The following DYNC2H1 variants were observed in gnomAD, a reference collection of about 807,000 sequenced individuals.
DYNC2H1 encodes cytoplasmic dynein 2 heavy chain 1.
In DYNC2H1, 410 loss-of-function variants were observed where a neutral mutation model predicts 570.0. The ratio of observed to expected loss-of-function variants is 0.72; its 90% CI spans 0.66 to 0.78. DYNC2H1 has a LOEUF of 0.78. Among genes scored for constraint, DYNC2H1 ranks in the 30% least tolerant of loss-of-function variants. DYNC2H1 has a pLI of 0.00. For missense variants in DYNC2H1, 4,865 were observed against 5,046.4 expected, an observed-to-expected ratio of 0.96 and a Z score of 1.09; for synonymous variants, 1,688 against 1,677.6, an observed-to-expected ratio of 1.01 and a Z score of -0.15.
In DYNC2H1 at chr11:103,201,801, T is replaced by A. The variant is rs760275438; in HGVS notation, c.8197+1647T>A. Among the ~76,000 whole-genome samples the A allele has an allele frequency of 6.6e-6, 1 of 152,184 alleles. No homozygotes were observed. Among genetic ancestry groups the A allele is most frequent in the Non-Finnish European group, 1.5e-5 (1 of 68,024 alleles). On this transcript the variant is annotated intron_variant, in intron 50 of 88. Transcript: ENST00000375735. This position sits in a 1 kb window ranked among gnomAD's most constrained non-coding sequence, Gnocchi z 4.8. The stretch of plus-strand genomic sequence containing the variant: ...TATGAAGTTTGTTAGAATATTTCTA[T>A]GAGTAATCACTGTTAGTGATTGGGA...
At chr11:103,459,775 AC>A (rs1944941126) in intron 87 of DYNC2H1, among the ~76,000 whole-genome samples, 2 of 149,934 alleles carry the variant, frequency 1.3e-5, no homozygotes, top group Non-Finnish European at 3.0e-5. Flanking sequence ...ACAAGGTGAA[AC>A]CCCGTCTCTA....
intron 82 of DYNC2H1, among the ~76,000 whole-genome samples, chr11:103,345,564 T>C (rs1395368469): frequency 6.6e-6 from 1 of 152,198 alleles, no homozygotes; most frequent in South Asian, 2.1e-4. Flanking sequence ...TTTTTATTGC[T>C]GTGGAGACAG....
intron 30 of DYNC2H1, among the ~76,000 whole-genome samples, chr11:103,164,033 A>G (rs1861201717): frequency 6.6e-6 from 1 of 152,200 alleles, no homozygotes; most frequent in Non-Finnish European, 1.5e-5. Flanking sequence ...TCAAATTCTT[A>G]GAGAAAAATA....
At chr11:103,234,301 T>C in intron 61 of DYNC2H1, 141 bp downstream of exon 61, 2 of 986,200 alleles carry the variant, frequency 2.0e-6, no homozygotes, top group Non-Finnish European at 1.4e-6. Flanking sequence ...TAAATGGCCA[T>C]TATGTGAATT....
chr11:103,158,984 C>T lies in DYNC2H1; in HGVS notation c.4335C>T (p.Thr1445=). The T allele has an allele frequency of 6.2e-7, 1 of 1,613,406 alleles. No individual in the cohort carries two copies. Among genetic ancestry groups the T allele is most frequent in the African/African-American group, 1.3e-5 (1 of 74,988 alleles). Residue 1445 remains threonine (T), a synonymous_variant, in exon 28 of 89, where the codon ACC becomes ACT. Transcript: ENST00000375735. The stretch of plus-strand genomic sequence containing the variant: ...TATTAGAAATATTGGGCCAGTCTAC[C>T]AACCCATCAGTGATTCAGTCTCACC... The part of the protein sequence containing the change: ...DDLLEILGQS[T]NPSVIQSHLK...
chr11:103,290,621 A>G (rs1866554578), intron 75 of DYNC2H1, among the ~76,000 whole-genome samples: 1 of 152,142 alleles, frequency 6.6e-6, no homozygotes, highest in African/African-American at 2.4e-5. Context: ...GACTCAGACA[A>G]TATCAGGAAA....
intron 83 of DYNC2H1, among the ~76,000 whole-genome samples, chr11:103,391,897 T>C (rs1200789828): frequency 4.0e-5 from 5 of 126,282 alleles, no homozygotes; most frequent in African/African-American, 1.3e-4. Flanking sequence ...TGAGGTGTCA[T>C]TGTGCCCCTA....
intron 57 of DYNC2H1, among the ~76,000 whole-genome samples, chr11:103,221,054 T>G (rs1277274421): frequency 1.3e-5 from 2 of 152,012 alleles, no homozygotes; most frequent in Non-Finnish European, 1.5e-5. Flanking sequence ...TAATAATATA[T>G]TTGGTCCATA....
At chr11:103,159,605 T>A (rs1348808745) in intron 28 of DYNC2H1, among the ~76,000 whole-genome samples, 1 of 152,132 alleles carries the variant, frequency 6.6e-6, no homozygotes, top group African/African-American at 2.4e-5. Flanking sequence ...AGAGTCACTT[T>A]AATGGGATAC....
In DYNC2H1 at chr11:103,277,576, C is replaced by T. The variant is rs975191326; in HGVS notation, c.10696-2772C>T. On this transcript the variant is annotated intron_variant, in intron 70 of 88. Coordinates refer to ENST00000375735, the MANE Select transcript of DYNC2H1 (RefSeq NM_001377.3). The surrounding 1 kb of genome is among the most constrained non-coding windows in gnomAD (Gnocchi z 4.3). The stretch of plus-strand genomic sequence containing the variant: ...TTCTTTTCTGATGTGTCTAATGACC[C>T]TTGCTTATAGTGGATTGTTTTCTCC... 6.6e-6 allele frequency among the ~76,000 whole-genome samples: 1 copy of T among 152,048 alleles called. No individual in the cohort carries two copies. Among genetic ancestry groups the T allele is most frequent in the Non-Finnish European group, 1.5e-5 (1 of 68,002 alleles).
intron 38 of DYNC2H1, 96 bp from the exon 39 acceptor site, chr11:103,178,930 T>C: frequency 8.0e-7 from 1 of 1,247,456 alleles, no homozygotes; most frequent in Non-Finnish European, 1.1e-6. Flanking sequence ...GTAGTACAAA[T>C]TCATATGAAA....
rs1274382344 is a variant in DYNC2H1, at chr11:103,311,882, C to T, written c.11498C>T (p.Pro3833Leu). 3.7e-6 allele frequency: 6 copies of T among 1,604,770 alleles called. No homozygotes were observed. The South Asian group carries it at 6.8e-5, about 18-fold the overall frequency. Residue 3833 changes from proline (P) to leucine (L), a missense_variant, in exon 79 of 89, where the codon CCT becomes CTT. Pro to Leu is a moderately conservative substitution (Grantham distance 98). Around this residue, in one of 5 missense-constraint regions of DYNC2H1, gnomAD observed 2,401 missense variants for 2,454.6 expected, o/e 0.98. Coordinates refer to ENST00000375735, the MANE Select transcript of DYNC2H1 (RefSeq NM_001377.3). ...QSSLKITYES[P>L]PGLKKNLMRT... The stretch of plus-strand genomic sequence containing the variant: ...GTCTGTTGATTTTTTTTCTAGTCAC[C>T]TCCAGGTTTAAAGAAGAATTTAATG...
At chr11:103,270,321 G>C (rs12805750) in intron 70 of DYNC2H1, among the ~76,000 whole-genome samples, 1 of 151,884 alleles carries the variant, frequency 6.6e-6, no homozygotes, top group South Asian at 2.1e-4. Context: ...GGGTGCCTAG[G>C]ACTGTAGATA....
chr11:103,350,835 C>T (rs555766875), intron 82 of DYNC2H1, among the ~76,000 whole-genome samples: 4 of 152,066 alleles, frequency 2.6e-5, no homozygotes, highest in South Asian at 2.1e-4. Context: ...GATCAGGCCC[C>T]GAACCCCTAT....
intron 75 of DYNC2H1, among the ~76,000 whole-genome samples, chr11:103,298,719 C>T (rs1363773257): frequency 6.6e-6 from 1 of 151,950 alleles, no homozygotes; most frequent in Non-Finnish European, 1.5e-5. Context: ...CAGGCACTTC[C>T]CTCTTTTTAA....
chr11:103,280,623 A>G lies in DYNC2H1; in HGVS notation c.10761+210A>G, dbSNP rs1866092644. On this transcript the variant is annotated intron_variant, in intron 71 of 88. Coordinates refer to ENST00000375735, the MANE Select transcript of DYNC2H1 (RefSeq NM_001377.3). The surrounding 1 kb of genome is among the most constrained non-coding windows in gnomAD (Gnocchi z 4.7). ...ATTCCAGAGTGATGGTAAAGCAGGG[A>G]AAGAAATCTACAAAGCTGCCTACAT... Among the ~76,000 whole-genome samples the G allele has an allele frequency of 6.6e-6, 1 of 152,172 alleles. No homozygotes were observed. The highest frequency in any genetic ancestry group is 1.5e-5 in the Non-Finnish European group (1 of 68,004).
intron 24 of DYNC2H1, 44 bp from the exon 25 acceptor site, chr11:103,155,287 A>G (rs779889494): frequency 3.9e-6 from 6 of 1,536,272 alleles, no homozygotes; most frequent in South Asian, 2.6e-5. Flanking sequence ...TAATATATGT[A>G]TATGTGTATA....
Position 103,289,435 on chromosome 11 carries a change from TAG to T in DYNC2H1, c.11095+1831_11095+1832del, listed in dbSNP as rs955185166. Among the ~76,000 whole-genome samples the T allele has an allele frequency of 6.6e-6, 1 of 152,188 alleles. No homozygotes were observed. Among genetic ancestry groups the T allele is most frequent in the African/African-American group, 2.4e-5 (1 of 41,448 alleles). ...AGGCTAGAAGCAAGATGGAGTCGGT[TAG>T]GTCTGATCTCTTTCACTGTCATAAT... On this transcript the variant is annotated intron_variant, in intron 75 of 88. Coordinates refer to ENST00000375735, the MANE Select transcript of DYNC2H1 (RefSeq NM_001377.3). This position sits in a 1 kb window ranked among gnomAD's most constrained non-coding sequence, Gnocchi z 4.2.
intron 82 of DYNC2H1, among the ~76,000 whole-genome samples, chr11:103,346,250 G>C (rs1314901697): frequency 6.6e-6 from 1 of 152,140 alleles, no homozygotes; most frequent in Non-Finnish European, 1.5e-5. Flanking sequence ...TTTTTCATCA[G>C]TTATTAGAAA....
Sources: gnomAD v4.1 joint callset for allele counts (sites outside exome capture counted in the v4.1 genomes callset) on GRCh38, gnomAD v4.1.1 for gene constraint, gnomAD v4.1.1 regional missense constraint, Gnocchi (gnomAD v3.1) non-coding constraint, MANE v1.5 for transcripts, NCBI Gene and HGNC (gene_info 2026-07-23, HGNC 2026-07-21) for gene names.